CFAP20: variants seen among roughly 807,000 people sequenced by gnomAD.
CFAP20 encodes the protein cilia and flagella associated protein 20, also known as cilia- and flagella-associated protein 20.
In CFAP20, 14 loss-of-function variants were observed where a neutral mutation model predicts 25.5. The ratio of observed to expected loss-of-function variants is 0.55; its 90% CI spans 0.36 to 0.86. The LOEUF is 0.86. CFAP20 is among the 40% of genes least tolerant of loss of function. The pLI is 0.01. For synonymous variants in CFAP20, 75 were observed against 91.1 expected, an observed-to-expected ratio of 0.82 and a Z score of 1.01; for missense variants, 181 against 248.0, an observed-to-expected ratio of 0.73 and a Z score of 1.81.
chr16:58,117,135 C>T (rs1409884731), intron 1 of CFAP20, 184 bp from the exon 2 acceptor site: 1 of 550,810 alleles, frequency 1.8e-6, no homozygotes, highest in Non-Finnish European at 3.2e-6. Context: ...CAAGGGAATC[C>T]CAGGTAACTT....
chr16:58,114,979 A>C (rs1428484567), intron 4 of CFAP20, 59 bp from the exon 5 acceptor site: 7 of 1,439,714 alleles, frequency 4.9e-6, no homozygotes, highest in Non-Finnish European at 5.8e-6. Flanking sequence ...CCTTTTCCTG[A>C]ATCTTCTAGA....
intron 1 of CFAP20, 117 bp downstream of exon 1, chr16:58,128,915 G>T: frequency 1.0e-6 from 1 of 960,730 alleles, no homozygotes; most frequent in Non-Finnish European, 1.4e-6. Context: ...AGGCACAGCA[G>T]CGTCCTCTCG....
intron 3 of CFAP20, 24 bp downstream of exon 3, chr16:58,116,017 A>G (rs1304939044): frequency 1.3e-6 from 2 of 1,525,560 alleles, no homozygotes; most frequent in African/African-American, 2.7e-5. Flanking sequence ...CCAAGAGTGG[A>G]CACATTCATG....
Position 58,129,263 on chromosome 16 carries a change from T to G in CFAP20, c.-148A>C. Reference sequence around the variant, plus strand: ...TCCTGGCCTCCGGATCTGCAGCCACTGATGGCCGGACTCGGACGCGGCAAC... The same window carrying G: ...TCCTGGCCTCCGGATCTGCAGCCACGGATGGCCGGACTCGGACGCGGCAAC... On this transcript the variant is annotated 5_prime_UTR_variant, in exon 1 of 6. Coordinates refer to ENST00000262498, the MANE Select transcript of CFAP20 (RefSeq NM_013242.3). 3.9e-6 allele frequency: 3 copies of G among 761,272 alleles called. No individual in the cohort carries two copies. The highest frequency in any genetic ancestry group is 6.3e-6 in the Non-Finnish European group (3 of 476,428). The allele number at this position is 761,272 out of a possible 1,614,324, so 47.2% of individuals were successfully genotyped here.
At chr16:58,128,198 C>A (rs1012134008) in intron 1 of CFAP20, among the ~76,000 whole-genome samples, 1 of 152,064 alleles carries the variant, frequency 6.6e-6, no homozygotes, top group African/African-American at 2.4e-5. Flanking sequence ...ACAGCTAGAT[C>A]TTTCTTCACA....
rs199567935 is a variant in CFAP20 at position 58,116,996 on chromosome 16, C to T, written c.85-45G>A. ...ATTAGTACTGAAATATCTGACAAGG[C>T]TGAATAGGACTATTTAAAGAAAACC... is the stretch of plus-strand genomic sequence containing the variant. On this transcript the variant is annotated intron_variant, in intron 1 of 5. Transcript: ENST00000262498. 48 of 1,568,900 alleles carry T rather than the reference C, an allele frequency of 3.1e-5. No individual in the cohort carries two copies. The East Asian group carries it at 1.1e-3, about 34-fold the overall frequency.
rs190082853 is a variant in CFAP20, at chr16:58,127,797, C to A, written c.84+1235G>T. The stretch of plus-strand genomic sequence containing the variant: ...TTATGAAAGTAACACTATGGACACA[C>A]CATCCTAAAAGCTGCCCTCAGAACG... On this transcript the variant is annotated intron_variant, in intron 1 of 5. Coordinates refer to ENST00000262498, the MANE Select transcript of CFAP20 (RefSeq NM_013242.3). Among the ~76,000 whole-genome samples, 474 of 152,312 alleles carry A rather than the reference C, an allele frequency of 3.1e-3. 3 individuals carry two copies. In the Middle Eastern group the frequency reaches 0.061, roughly 20 times the overall value.
intron 2 of CFAP20, 26 bp from the exon 3 acceptor site, chr16:58,116,178 A>T (rs1252329078): frequency 6.7e-7 from 1 of 1,496,694 alleles, no homozygotes; most frequent in African/African-American, 1.4e-5. Context: ...ATACTAATAA[A>T]CACACTCCTG....
Position 58,115,438 on chromosome 16 carries a change from A to C in CFAP20, c.296T>G (p.Val99Gly). The C allele has an allele frequency of 6.2e-7, 1 of 1,614,222 alleles. No homozygotes were observed. Among genetic ancestry groups the C allele is most frequent in the Non-Finnish European group, 8.5e-7 (1 of 1,180,044 alleles). The change falls in exon 4 of 6, where the codon GTG becomes GGG. Residue 99 changes from valine to glycine, a missense_variant. Val to Gly is a moderately radical substitution (Grantham distance 109). Coordinates refer to ENST00000262498, the MANE Select transcript of CFAP20 (RefSeq NM_013242.3). ...GTTACTTGCCCGAAAGCGACGACGCACATTCTTGTCATCTAGTACCTGTGA... is the reference window on the plus strand; with the variant it reads ...GTTACTTGCCCGAAAGCGACGACGCCCATTCTTGTCATCTAGTACCTGTGA... ...FEVQVLDDKN[V>G]RRRFRASNYQ...
Position 58,116,041 on chromosome 16 carries a change from C to T in CFAP20, c.276G>A (p.Gln92=), listed in dbSNP as rs1455148866. The T allele has an allele frequency of 6.3e-7, 1 of 1,594,410 alleles. No individual in the cohort carries two copies. Among genetic ancestry groups the T allele is most frequent in the Admixed American group, 1.7e-5 (1 of 59,964 alleles). ...GACACATTCATGTACACATACTTAC[C>T]TGCACTTCGAAGGTAAAATACTTCT... ...NLKKYFTFEV[Q]VLDDKNVRRR... Residue 92 remains glutamine (Q), a splice_region_variant and synonymous_variant, in exon 3 of 6, where the codon CAG becomes CAA. Coordinates refer to ENST00000262498, the MANE Select transcript of CFAP20 (RefSeq NM_013242.3).
At position 58,116,085 on chromosome 16, in the gene CFAP20, T is replaced by C. The variant is rs1223409258; in HGVS notation, c.232A>G (p.Met78Val). The change falls in exon 3 of 6, where the codon ATG becomes GTG. Residue 78 changes from methionine (M) to valine (V), a missense_variant. Transcript: ENST00000262498. ...TLGIKLPFLV[M>V]IIKNLKKYFT... ...TACTTCTTCAGGTTTTTGATAATCA[T>C]GACAAGGAAAGGAAGTTTAATTCCC... 1 of 1,613,818 alleles carries C rather than the reference T, an allele frequency of 6.2e-7. No individual in the cohort carries two copies. The highest frequency in any genetic ancestry group is 8.5e-7 in the Non-Finnish European group (1 of 1,179,732).
rs184150820 is a variant in CFAP20 at position 58,118,752 on chromosome 16, G to A, written c.85-1801C>T. ...TGGGAGGATAACCTGAGCCTGGGAG[G>A]TCGAGGCTGCAGTGAGCCGTGATTG... On this transcript the variant is annotated intron_variant, in intron 1 of 5. Coordinates refer to ENST00000262498, the MANE Select transcript of CFAP20 (RefSeq NM_013242.3). Among the ~76,000 whole-genome samples the A allele has an allele frequency of 4.0e-3, 604 of 152,188 alleles. 2 individuals are homozygous for A. Among genetic ancestry groups the A allele is most frequent in the Admixed American group, 6.3e-3 (96 of 15,284 alleles).
In CFAP20 at chr16:58,113,964, T is replaced by C. The variant is rs894107905; in HGVS notation, c.*61A>G. ...ATATGTTTTTGCATCGTCCTCCACA[T>C]AGTTTCCTTTTAAAAAGAAGAGTCA... On this transcript the variant is annotated 3_prime_UTR_variant, in exon 6 of 6. Transcript: ENST00000262498. The C allele has an allele frequency of 1.3e-6, 2 of 1,555,788 alleles. No individual in the cohort carries two copies. The highest frequency in any genetic ancestry group is 8.9e-7 in the Non-Finnish European group (1 of 1,127,158).
chr16:58,120,631 C>A (rs757003959), intron 1 of CFAP20, among the ~76,000 whole-genome samples: 1 of 152,214 alleles, frequency 6.6e-6, no homozygotes, highest in Non-Finnish European at 1.5e-5. Context: ...TGCACTTCTG[C>A]CCAGAGGCAA....
At position 58,129,055 on chromosome 16, in the gene CFAP20, G is replaced by T. The variant is rs774244960; in HGVS notation, c.61C>A (p.Pro21Thr). 2 of 1,613,760 alleles carry T rather than the reference G, an allele frequency of 1.2e-6. No homozygotes were observed. The part of the protein sequence containing the change: ...LSILYSIGSK[P>T]LQIWDKKVRN... The stretch of plus-strand genomic sequence containing the variant: ...ACCTTTTTGTCCCAGATTTGCAGAG[G>T]CTTGCTGCCGATGCTGTAGAGGATG... The change falls in exon 1 of 6, where the codon CCT becomes ACT. Residue 21 changes from proline (P) to threonine (T), a missense_variant. Pro to Thr is a conservative substitution (Grantham distance 38). Coordinates refer to ENST00000262498, the MANE Select transcript of CFAP20 (RefSeq NM_013242.3).
chr16:58,126,166 G>C (rs1027068753), intron 1 of CFAP20, among the ~76,000 whole-genome samples: 1 of 152,138 alleles, frequency 6.6e-6, no homozygotes, highest in East Asian at 1.9e-4. Context: ...GAGGTTTTTC[G>C]GTAAGGTACT....
In CFAP20 at chr16:58,123,119, C is replaced by T. The variant is rs549590257; in HGVS notation, c.84+5913G>A. 2.9e-3 allele frequency among the ~76,000 whole-genome samples: 447 copies of T among 151,994 alleles called. 3 individuals are homozygous for T. Among genetic ancestry groups the T allele is most frequent in the Non-Finnish European group, 2.4e-3 (165 of 67,934 alleles). On this transcript the variant is annotated intron_variant, in intron 1 of 5. Transcript: ENST00000262498. ...AAGTGATTCTCCTGCCTCAGCCTCC[C>T]GAGTAGCTGGGATTACAGGCATGTG...
At chr16:58,127,125 C>T (rs763279354) in intron 1 of CFAP20, among the ~76,000 whole-genome samples, 5 of 152,140 alleles carry the variant, frequency 3.3e-5, no homozygotes, top group East Asian at 1.9e-4. Flanking sequence ...GGGTACCATC[C>T]GACCTCTAGT....
intron 4 of CFAP20, 136 bp downstream of exon 4, chr16:58,115,133 G>A: frequency 1.6e-6 from 2 of 1,286,480 alleles, no homozygotes; most frequent in Non-Finnish European, 2.2e-6. Flanking sequence ...GGACCTTTGT[G>A]AGGCCAAAGC....
Sources: allele counts gnomAD v4.1 joint callset (sites outside exome capture counted in the v4.1 genomes callset), GRCh38; gene constraint gnomAD v4.1.1; transcripts MANE v1.5; gene names NCBI Gene and HGNC (gene_info 2026-07-23, HGNC 2026-07-21).